PSMD13: variants seen among roughly 807,000 people sequenced by gnomAD.
PSMD13 encodes 26S proteasome non-ATPase regulatory subunit 13.
In PSMD13, 8 loss-of-function variants were observed where a neutral mutation model predicts 57.4. The ratio of observed to expected loss-of-function variants is 0.14; its 90% CI spans 0.08 to 0.25. The LOEUF (loss-of-function observed/expected upper bound fraction) is 0.25. Among genes scored for constraint, PSMD13 ranks in the 10% least tolerant of loss-of-function variants. The probability of loss-of-function intolerance (pLI) is 1.00; values close to 1 mark genes in which losing one functional copy is unlikely to be tolerated. For synonymous variants in PSMD13, 193 were observed against 168.2 expected (o/e 1.15, Z -1.14); for missense variants, 400 against 461.5 (o/e 0.87, Z 1.22).
chr11:237,587 C>T (rs926241025), intron 1 of PSMD13, among the ~76,000 whole-genome samples: 2 of 152,326 alleles, frequency 1.3e-5, no homozygotes, highest in Admixed American at 1.3e-4. Context: ...GTAACTGTAT[C>T]TACAGTTATC....
rs187366708 is a variant in PSMD13 at position 237,266 on chromosome 11, G to C, written c.95+122G>C. ...CCAGACCCAAGTTGGGGGGAAACGG[G>C]GACGTGTAGCGACCGGCTGTGCCGG... On this transcript the variant is annotated intron_variant, in intron 1 of 12. Transcript: ENST00000532097. 1.2e-3 allele frequency: 1,055 copies of C among 903,854 alleles called. 6 individuals are homozygous for C. The African/African-American group carries it at 0.015, about 13-fold the overall frequency. 56.0% of individuals were successfully genotyped at this position (903,854 alleles called of 1,614,324 possible). A position where few individuals can be genotyped will look rare whatever the true frequency, so the allele number is the denominator to read the frequency against.
intron 9 of PSMD13, among the ~76,000 whole-genome samples, chr11:250,052 G>T (rs552913319): frequency 6.6e-6 from 1 of 151,962 alleles, no homozygotes; most frequent in Non-Finnish European, 1.5e-5. Context: ...AAAAAAAATC[G>T]TAGATGCATG....
intron 5 of PSMD13, 87 bp from the exon 6 acceptor site, chr11:244,588 G>T: frequency 6.6e-7 from 1 of 1,513,462 alleles, no homozygotes; most frequent in Non-Finnish European, 9.1e-7. Flanking sequence ...AGTCATCAAG[G>T]TTAAGTTAAT....
At position 245,500 on chromosome 11, in the gene PSMD13, C is replaced by T. The variant is rs572534730; in HGVS notation, c.396+739C>T. On this transcript the variant is annotated intron_variant, in intron 6 of 12. Coordinates refer to ENST00000532097, the MANE Select transcript of PSMD13 (RefSeq NM_002817.4). Reference sequence around the variant, plus strand: ...GTGCTATTTCTCCATCTTCCTTCTGCCTCCTAAATGTTGTTGAAGTATCCT... The same window carrying T: ...GTGCTATTTCTCCATCTTCCTTCTGTCTCCTAAATGTTGTTGAAGTATCCT... Among the ~76,000 whole-genome samples, 39 of 152,280 alleles carry T rather than the reference C, an allele frequency of 2.6e-4. No homozygotes were observed. In the South Asian group the frequency reaches 3.7e-3, roughly 15 times the overall value.
chr11:252,235 C>G lies in PSMD13; in HGVS notation c.1036-270C>G. ...TTCCTGGTTCTGTGATTTGAGCTCA[C>G]GTCGCTCTTACATTTGCTGGAAATG... is the stretch of plus-strand genomic sequence containing the variant. On this transcript the variant is annotated intron_variant, in intron 12 of 12. Transcript: ENST00000532097. The surrounding 1 kb of genome is among the most constrained non-coding windows in gnomAD (Gnocchi z 4.1). 2.0e-6 allele frequency: 1 copy of G among 511,476 alleles called. No individual in the cohort carries two copies. Among genetic ancestry groups the G allele is most frequent in the Middle Eastern group, 5.3e-4 (1 of 1,902 alleles). 31.7% of individuals were successfully genotyped at this position (511,476 alleles called of 1,614,324 possible).
At chr11:243,823 G>C (rs1037555460) in intron 2 of PSMD13, among the ~76,000 whole-genome samples, 2 of 152,212 alleles carry the variant, frequency 1.3e-5, no homozygotes, top group African/African-American at 4.8e-5. Context: ...ATATTCCTTA[G>C]TAATCTGTTG....
Position 244,492 on chromosome 11 carries a change from ACC to A in PSMD13, c.309+24_309+25del, listed in dbSNP as rs775361728. On this transcript the variant is annotated intron_variant, in intron 5 of 12. Transcript: ENST00000532097. The stretch of plus-strand genomic sequence containing the variant: ...AAGGTAAATGTGGCATGTGGGCAAT[ACC>A]TTTTAGTACCTTTTAGAGTATGTAT... 1.6e-4 allele frequency: 15 copies of A among 92,622 alleles called. No individual in the cohort carries two copies. The South Asian group carries it at 3.1e-3, about 19-fold the overall frequency. The allele number at this position is 92,622 out of a possible 1,614,324, so 5.7% of individuals were successfully genotyped here. A position where few individuals can be genotyped will look rare whatever the true frequency, so the allele number is the denominator to read the frequency against.
At chr11:239,193 G>C (rs796657551) in intron 2 of PSMD13, 117 bp downstream of exon 2, 1 of 994,086 alleles carries the variant, frequency 1.0e-6, no homozygotes, top group Non-Finnish European at 1.6e-6. Context: ...GTCACTTTAC[G>C]TCAGGTACTG....
intron 2 of PSMD13, 133 bp from the exon 3 acceptor site, chr11:243,908 C>A: frequency 1.3e-6 from 1 of 795,710 alleles, no homozygotes; most frequent in African/African-American, 1.8e-5. Context: ...TTACTGTGTG[C>A]TGGGCACTGT....
Position 251,728 on chromosome 11 carries a change from G to C in PSMD13, c.919-92G>C. 1 of 1,530,100 alleles carries C rather than the reference G, an allele frequency of 6.5e-7. No homozygotes were observed. The highest frequency in any genetic ancestry group is 2.3e-5 in the East Asian group (1 of 44,232). The allele number at this position is 1,530,100 out of a possible 1,614,324, so 94.8% of individuals were successfully genotyped here. On this transcript the variant is annotated intron_variant, in intron 11 of 12. Coordinates refer to ENST00000532097, the MANE Select transcript of PSMD13 (RefSeq NM_002817.4). The surrounding 1 kb of genome is among the most constrained non-coding windows in gnomAD (Gnocchi z 4.6). Reference sequence around the variant, plus strand: ...TGCTCCCTAGACAGTAAAAAATGACGGGAGGAGCGGCATCTGCTTCTCACA... The same window carrying C: ...TGCTCCCTAGACAGTAAAAAATGACCGGAGGAGCGGCATCTGCTTCTCACA...
chr11:252,062 A>G lies in PSMD13; in HGVS notation c.1035+126A>G. The G allele has an allele frequency of 1.1e-6, 1 of 882,546 alleles. No individual in the cohort carries two copies. Among genetic ancestry groups the G allele is most frequent in the Non-Finnish European group, 1.8e-6 (1 of 556,086 alleles). 54.7% of individuals were successfully genotyped at this position (882,546 alleles called of 1,614,324 possible). A position where few individuals can be genotyped will look rare whatever the true frequency, so the allele number is the denominator to read the frequency against. ...ATTATTAGACAAGAGGTTTTGGAGA[A>G]GGAAATACTGCTGTTGGGTTTTTCT... On this transcript the variant is annotated intron_variant, in intron 12 of 12. Transcript: ENST00000532097. This position sits in a 1 kb window ranked among gnomAD's most constrained non-coding sequence, Gnocchi z 4.1.
chr11:252,638 C>T lies in PSMD13; in HGVS notation c.*38C>T. 6.3e-7 allele frequency: 1 copy of T among 1,590,220 alleles called. No individual in the cohort carries two copies. Among genetic ancestry groups the T allele is most frequent in the South Asian group, 1.1e-5 (1 of 90,580 alleles). ...CCCCGTCGTGTCTCCTTTGACTCAC[C>T]TGAGAGAGGCGTTTGCAGCCAATGA... On this transcript the variant is annotated 3_prime_UTR_variant, in exon 13 of 13. Transcript: ENST00000532097. This position sits in a 1 kb window ranked among gnomAD's most constrained non-coding sequence, Gnocchi z 4.1.
intron 2 of PSMD13, among the ~76,000 whole-genome samples, chr11:239,374 A>G (rs977504227): frequency 6.6e-6 from 1 of 152,224 alleles, no homozygotes; most frequent in African/African-American, 2.4e-5. Context: ...TTGAAATTCT[A>G]GCATAAAGTA....
intron 9 of PSMD13, 52 bp downstream of exon 9, chr11:249,109 A>G: frequency 1.9e-6 from 3 of 1,599,738 alleles, no homozygotes; most frequent in South Asian, 2.2e-5. Context: ...CTACTCGCTC[A>G]TACAACAGAT....
At chr11:240,888 A>G (rs952886711) in intron 2 of PSMD13, among the ~76,000 whole-genome samples, 2 of 152,174 alleles carry the variant, frequency 1.3e-5, no homozygotes, top group African/African-American at 2.4e-5. Context: ...CTGGAGTGCA[A>G]TGGCACAGTC....
Position 247,261 on chromosome 11 carries a change from T to C in PSMD13, c.397-16T>C. 6.3e-7 allele frequency: 1 copy of C among 1,589,028 alleles called. No individual in the cohort carries two copies. The highest frequency in any genetic ancestry group is 1.1e-5 in the South Asian group (1 of 87,190). ...TTTAACTTAAAAAGAGAGATGATTTTCCTTCCTGTGTATAGGAAACAATTG... is the reference window on the plus strand; with the variant it reads ...TTTAACTTAAAAAGAGAGATGATTTCCCTTCCTGTGTATAGGAAACAATTG... On this transcript the variant is annotated splice_polypyrimidine_tract_variant and intron_variant, in intron 6 of 12. Transcript: ENST00000532097.
At chr11:245,954 TAGGA>T (rs375220173) in intron 6 of PSMD13, among the ~76,000 whole-genome samples, 17 of 152,126 alleles carry the variant, frequency 1.1e-4, no homozygotes, top group East Asian at 9.6e-4. Flanking sequence ...CCAACCAGCT[TAGGA>T]AGGAATGAAG....
At position 246,780 on chromosome 11, in the gene PSMD13, T is replaced by C. The variant is rs557051946; in HGVS notation, c.397-497T>C. On this transcript the variant is annotated intron_variant, in intron 6 of 12. Coordinates refer to ENST00000532097, the MANE Select transcript of PSMD13 (RefSeq NM_002817.4). ...AAATTATATCTTGTTGGGGGTTTAATTTGCATTTCACAATTACTAGTGGTT... is the reference window on the plus strand; with the variant it reads ...AAATTATATCTTGTTGGGGGTTTAACTTGCATTTCACAATTACTAGTGGTT... Among the ~76,000 whole-genome samples the C allele has an allele frequency of 2.6e-5, 4 of 152,350 alleles. No homozygotes were observed. The South Asian group carries it at 8.3e-4, about 32-fold the overall frequency.
In PSMD13 at chr11:252,248, T is replaced by C; in HGVS notation, c.1036-257T>C. The C allele has an allele frequency of 3.8e-6, 2 of 520,720 alleles. No homozygotes were observed. Among genetic ancestry groups the C allele is most frequent in the South Asian group, 4.7e-5 (2 of 42,206 alleles). 32.3% of individuals were successfully genotyped at this position (520,720 alleles called of 1,614,324 possible). A position where few individuals can be genotyped will look rare whatever the true frequency, so the allele number is the denominator to read the frequency against. ...GATTTGAGCTCACGTCGCTCTTACA[T>C]TTGCTGGAAATGCGATCCTGTGGAT... On this transcript the variant is annotated intron_variant, in intron 12 of 12. Coordinates refer to ENST00000532097, the MANE Select transcript of PSMD13 (RefSeq NM_002817.4). This position sits in a 1 kb window ranked among gnomAD's most constrained non-coding sequence, Gnocchi z 4.1.
Sources: gnomAD v4.1 joint callset for allele counts (sites outside exome capture counted in the v4.1 genomes callset) on GRCh38, gnomAD v4.1.1 for gene constraint, Gnocchi (gnomAD v3.1) non-coding constraint, MANE v1.5 for transcripts, NCBI Gene and HGNC (gene_info 2026-07-23, HGNC 2026-07-21) for gene names.